CPO: variants seen among roughly 807,000 people sequenced by gnomAD.
The protein encoded by CPO is metallocarboxypeptidase C.
CPO carries 43 observed loss-of-function variants against 41.2 expected under a neutral mutation model. The observed-to-expected ratio is 1.04, with a 90% confidence interval of 0.82 to 1.35. The LOEUF is 1.35. Among genes scored for constraint, CPO ranks in the 40% most tolerant of loss-of-function variants. The probability of loss-of-function intolerance (pLI) is 0.00; values close to 1 mark genes in which losing one functional copy is unlikely to be tolerated. For missense variants in CPO, 408 were observed against 451.7 expected (o/e 0.90, Z 0.88); for synonymous variants, 178 against 162.7 (o/e 1.09, Z -0.72).
chr2:206,950,125 G>A (rs994211034), intron 2 of CPO, among the ~76,000 whole-genome samples: 1 of 152,086 alleles, frequency 6.6e-6, no homozygotes, highest in Non-Finnish European at 1.5e-5. Context: ...TTTATTGTAG[G>A]ATTTACAGGA....
At chr2:206,956,110 T>C (rs545238650) in intron 3 of CPO, among the ~76,000 whole-genome samples, 1 of 152,084 alleles carries the variant, frequency 6.6e-6, no homozygotes, top group African/African-American at 2.4e-5. Flanking sequence ...CCCTTTTGCA[T>C]GCAACATGAC....
Position 206,939,611 on chromosome 2 carries a change from G to C in CPO, c.12G>C (p.Leu4=). MKP[L]LETLYLLGML... The stretch of plus-strand genomic sequence containing the variant: ...TACTGTGTGGCAGAATGAAGCCTCT[G>C]CTTGAAACCCTTTATCTTTTGGGGA... The change falls in exon 1 of 9, where the codon CTG becomes CTC. Residue 4 remains leucine (L), a synonymous_variant. Coordinates refer to ENST00000272852, the MANE Select transcript of CPO (RefSeq NM_173077.3). The C allele has an allele frequency of 1.2e-6, 2 of 1,611,140 alleles. No homozygotes were observed. Among genetic ancestry groups the C allele is most frequent in the South Asian group, 1.1e-5 (1 of 90,988 alleles).
chr2:206,961,592 CAG>C (rs1232545214), intron 6 of CPO, among the ~76,000 whole-genome samples: 1 of 152,134 alleles, frequency 6.6e-6, no homozygotes, highest in Non-Finnish European at 1.5e-5. Flanking sequence ...CAGTACCTAG[CAG>C]ATAGGAGGTG....
Position 206,968,353 on chromosome 2 carries a change from T to C in CPO, c.862+6T>C. ...ATCGAGTGCAGATATTTTATGTAAG[T>C]ATCTTTTTTTGCCTCTTCAATAGTA... On this transcript the variant is annotated splice_donor_region_variant and intron_variant, in intron 8 of 8. Transcript: ENST00000272852. The C allele has an allele frequency of 1.3e-6, 2 of 1,560,690 alleles. No individual in the cohort carries two copies. Among genetic ancestry groups the C allele is most frequent in the East Asian group, 2.2e-5 (1 of 44,598 alleles).
At chr2:206,952,711 A>T (rs1574350251) in intron 2 of CPO, among the ~76,000 whole-genome samples, 1 of 152,334 alleles carries the variant, frequency 6.6e-6, no homozygotes, top group East Asian at 1.9e-4. Context: ...ATGTGAGAAC[A>T]TGTGAGAAGG....
At position 206,955,524 on chromosome 2, in the gene CPO, T is replaced by C. The variant is rs1415098636; in HGVS notation, c.227T>C (p.Leu76Pro). 19 of 1,610,152 alleles carry C rather than the reference T, an allele frequency of 1.2e-5. No homozygotes were observed. Among genetic ancestry groups the C allele is most frequent in the Non-Finnish European group, 1.6e-5 (19 of 1,176,416 alleles). Reference protein sequence around the residue: ...KYKEVVTQHFLGVTYETHPMY... With the variant: ...KYKEVVTQHFPGVTYETHPMY... ...AAGGAAGTGGTGACACAGCATTTCC[T>C]AGGAGTGACCTATGAGACCCACCCC... is the stretch of plus-strand genomic sequence containing the variant. The change falls in exon 3 of 9, where the codon CTA (leucine) becomes CCA (proline). Residue 76 changes from leucine (L) to proline (P), a missense_variant. Leu to Pro is a moderately conservative substitution (Grantham distance 98). Coordinates refer to ENST00000272852, the MANE Select transcript of CPO (RefSeq NM_173077.3).
chr2:206,963,728 A>G (rs1693521423), intron 7 of CPO, among the ~76,000 whole-genome samples: 1 of 152,214 alleles, frequency 6.6e-6, no homozygotes, highest in South Asian at 2.1e-4. Flanking sequence ...CATTTCGTTC[A>G]TCCCATCCTC....
At position 206,959,661 on chromosome 2, in the gene CPO, A is replaced by T; in HGVS notation, c.403A>T (p.Ile135Leu). The change falls in exon 5 of 9, where the codon ATA (isoleucine) becomes TTA (leucine). Residue 135 changes from isoleucine to leucine, a missense_variant. Transcript: ENST00000272852. The part of the protein sequence containing the change: ...ILQNHKDNSS[I>L]RKLLRNLDFY... ...ACAAAACCATAAAGACAACTCAAGT[A>T]TACGCAAGCTCCTTAGGAACCTGGA... The T allele has an allele frequency of 6.5e-7, 1 of 1,540,512 alleles. No individual in the cohort carries two copies. Among genetic ancestry groups the T allele is most frequent in the Non-Finnish European group, 9.0e-7 (1 of 1,112,956 alleles).
intron 6 of CPO, 32 bp downstream of exon 6, chr2:206,960,974 CAAAT>C: frequency 7.3e-7 from 1 of 1,377,078 alleles, no homozygotes; most frequent in Non-Finnish European, 1.0e-6. Flanking sequence ...GAATTATGAA[CAAAT>C]AAAGCTGAGA....
At chr2:206,967,360 G>GATATATATATATATATATATCTAT (rs1306787306) in intron 7 of CPO, among the ~76,000 whole-genome samples, 81 of 112,346 alleles carry the variant, frequency 7.2e-4, no homozygotes, top group African/African-American at 2.2e-3. Flanking sequence ...TAGATATATA[G>GATATATATATATATATATATCTAT]ATATAGATAT....
Position 206,939,609 on chromosome 2 carries a change from C to T in CPO, c.10C>T (p.Leu4=), listed in dbSNP as rs1692992099. ...CTTACTGTGTGGCAGAATGAAGCCTCTGCTTGAAACCCTTTATCTTTTGGG... is the reference window on the plus strand; with the variant it reads ...CTTACTGTGTGGCAGAATGAAGCCTTTGCTTGAAACCCTTTATCTTTTGGG... MKP[L]LETLYLLGML... is the part of the protein sequence containing the mutation. The change falls in exon 1 of 9, where the codon CTG becomes TTG. Residue 4 remains leucine, a synonymous_variant. Coordinates refer to ENST00000272852, the MANE Select transcript of CPO (RefSeq NM_173077.3). 6.2e-7 allele frequency: 1 copy of T among 1,610,928 alleles called. No individual in the cohort carries two copies. The highest frequency in any genetic ancestry group is 1.7e-5 in the Admixed American group (1 of 59,892).
intron 2 of CPO, 109 bp from the exon 3 acceptor site, chr2:206,955,354 G>T (rs1293756155): frequency 9.3e-6 from 7 of 749,826 alleles, no homozygotes; most frequent in South Asian, 6.0e-5. Context: ...TTGCAATCTA[G>T]AGCAAAGATA....
chr2:206,967,299 T>C (rs1355802225), intron 7 of CPO, among the ~76,000 whole-genome samples: 1 of 150,918 alleles, frequency 6.6e-6, no homozygotes, highest in Non-Finnish European at 1.5e-5. Flanking sequence ...GTGGTAGGTG[T>C]GGGGATGGGT....
Position 206,961,830 on chromosome 2 carries a change from G to T in CPO, c.575-582G>T, listed in dbSNP as rs142118354. 1.8e-3 allele frequency among the ~76,000 whole-genome samples: 270 copies of T among 152,094 alleles called. 2 individuals are homozygous for T. The highest frequency in any genetic ancestry group is 6.2e-3 in the African/African-American group (259 of 41,496). ...ATACTGGCAGGGCACGGTGGCTCAT[G>T]CCTGTAATCCCAGCACTTTGGGGAG... On this transcript the variant is annotated intron_variant, in intron 6 of 8. Coordinates refer to ENST00000272852, the MANE Select transcript of CPO (RefSeq NM_173077.3).
intron 1 of CPO, among the ~76,000 whole-genome samples, chr2:206,940,880 T>C (rs2105816705): frequency 6.6e-6 from 1 of 152,282 alleles, no homozygotes; most frequent in Admixed American, 6.6e-5. Flanking sequence ...CAATTTCAGA[T>C]ACTTACAGAG....
At chr2:206,962,126 T>C (rs1035363172) in intron 6 of CPO, among the ~76,000 whole-genome samples, 4 of 151,092 alleles carry the variant, frequency 2.6e-5, no homozygotes, top group African/African-American at 4.9e-5. Flanking sequence ...AAAATACAAG[T>C]ATACTAAAAT....
At chr2:206,952,585 G>A (rs1033178904) in intron 2 of CPO, among the ~76,000 whole-genome samples, 12 of 152,174 alleles carry the variant, frequency 7.9e-5, no homozygotes, top group African/African-American at 2.9e-4. Flanking sequence ...CCAGACCAAG[G>A]TATAAGACTC....
At chr2:206,946,261 G>A (rs1351943533) in intron 1 of CPO, among the ~76,000 whole-genome samples, 4 of 152,092 alleles carry the variant, frequency 2.6e-5, no homozygotes, top group Non-Finnish European at 5.9e-5. Flanking sequence ...ATTCAACAAT[G>A]TATAAAAAGA....
At chr2:206,959,600 A>G in intron 4 of CPO, 31 bp from the exon 5 acceptor site, 1 of 971,106 alleles carries the variant, frequency 1.0e-6, no homozygotes, top group Non-Finnish European at 1.7e-6. Flanking sequence ...ATCTCAAAAT[A>G]ATTCTGAACA....
Sources: gnomAD v4.1 joint callset for allele counts (sites outside exome capture counted in the v4.1 genomes callset) on GRCh38, gnomAD v4.1.1 for gene constraint, MANE v1.5 for transcripts, NCBI Gene and HGNC (gene_info 2026-07-23, HGNC 2026-07-21) for gene names.